Variants in COL14A1 observed in about 807,000 individuals in gnomAD.
The protein encoded by COL14A1 is collagen alpha-1(XIV) chain.
COL14A1 carries 136 observed loss-of-function variants against 230.3 expected under a neutral mutation model. The ratio of observed to expected loss-of-function variants is 0.59; its 90% CI spans 0.51 to 0.68. COL14A1 has a LOEUF of 0.68. COL14A1 is among the 30% of genes least tolerant of loss of function. The pLI, the probability that COL14A1 is intolerant of heterozygous loss-of-function variation, is 0.00. For synonymous variants in COL14A1, 792 were observed against 784.1 expected, an observed-to-expected ratio of 1.01 and a Z score of -0.17; for missense variants, 1,976 against 2,215.8, an observed-to-expected ratio of 0.89 and a Z score of 2.17.
chr8:120,312,992 G>T (rs564324337), intron 37 of COL14A1, among the ~76,000 whole-genome samples: 1 of 152,120 alleles, frequency 6.6e-6, no homozygotes. Flanking sequence ...TAGTTAAACC[G>T]CAACAAGATC....
At chr8:120,236,899 A>T (rs946626400) in intron 19 of COL14A1, among the ~76,000 whole-genome samples, 1 of 152,126 alleles carries the variant, frequency 6.6e-6, no homozygotes, top group Non-Finnish European at 1.5e-5. Context: ...CTGGATATGA[A>T]ATTCTGGGTT....
At chr8:120,248,524 G>A (rs529660582) in intron 21 of COL14A1, among the ~76,000 whole-genome samples, 1 of 152,120 alleles carries the variant, frequency 6.6e-6, no homozygotes, top group African/African-American at 2.4e-5. Flanking sequence ...TCAGCAGAAA[G>A]GGCAGGAAAA....
At chr8:120,308,979 G>A (rs1157597323) in intron 36 of COL14A1, among the ~76,000 whole-genome samples, 1 of 152,060 alleles carries the variant, frequency 6.6e-6, no homozygotes, top group Non-Finnish European at 1.5e-5. Context: ...TCACTTTGCC[G>A]CCCAGGCTGG....
At chr8:120,330,509 C>A (rs145544353) in intron 40 of COL14A1, among the ~76,000 whole-genome samples, 1 of 152,250 alleles carries the variant, frequency 6.6e-6, no homozygotes, top group South Asian at 2.1e-4. Context: ...AGGGGAACCC[C>A]ATTTATAAAA....
At chr8:120,164,360 G>T (rs1365327363) in intron 4 of COL14A1, among the ~76,000 whole-genome samples, 1 of 152,062 alleles carries the variant, frequency 6.6e-6, no homozygotes, top group Non-Finnish European at 1.5e-5. Flanking sequence ...GAGGTGGTGG[G>T]TATGGAACTT....
intron 38 of COL14A1, 80 bp downstream of exon 38, chr8:120,314,107 C>A: frequency 9.6e-7 from 1 of 1,043,666 alleles, no homozygotes; most frequent in Non-Finnish European, 1.4e-6. Flanking sequence ...CTTTTGTCTT[C>A]TGTGTCTTAA....
chr8:120,211,366 A>G (rs1817611646), intron 12 of COL14A1, among the ~76,000 whole-genome samples: 2 of 152,210 alleles, frequency 1.3e-5, no homozygotes, highest in Admixed American at 6.5e-5. Context: ...ATGTAATATT[A>G]ACACAGAAAA....
intron 33 of COL14A1, among the ~76,000 whole-genome samples, chr8:120,287,002 C>T (rs1820224187): frequency 6.6e-6 from 1 of 152,124 alleles, no homozygotes; most frequent in Admixed American, 6.5e-5. Flanking sequence ...ATGAGCAGAA[C>T]ATTTACTAGG....
intron 14 of COL14A1, among the ~76,000 whole-genome samples, chr8:120,218,272 A>AAT (rs1423668695): frequency 7.3e-6 from 1 of 137,666 alleles, no homozygotes; most frequent in African/African-American, 2.7e-5. Flanking sequence ...ATATATATAT[A>AAT]ATATATAAAT....
intron 37 of COL14A1, among the ~76,000 whole-genome samples, chr8:120,312,749 A>G (rs930251913): frequency 7.9e-5 from 12 of 152,172 alleles, no homozygotes; most frequent in Non-Finnish European, 1.5e-5. Flanking sequence ...CCTAAATCTT[A>G]ACAAGTCTTA....
At chr8:120,188,466 A>C (rs537226847) in intron 5 of COL14A1, among the ~76,000 whole-genome samples, 1 of 152,264 alleles carries the variant, frequency 6.6e-6, no homozygotes, top group Admixed American at 6.5e-5. Context: ...CTCATCACAA[A>C]ACTCCAGAAA....
chr8:120,161,170 C>A (rs1036523042), intron 3 of COL14A1, among the ~76,000 whole-genome samples: 1 of 152,026 alleles, frequency 6.6e-6, no homozygotes, highest in African/African-American at 2.4e-5. Flanking sequence ...TAGCAGGCAG[C>A]CCAGATAATA....
intron 4 of COL14A1, among the ~76,000 whole-genome samples, chr8:120,163,054 A>T (rs1346551244): frequency 6.6e-6 from 1 of 152,226 alleles, no homozygotes; most frequent in Non-Finnish European, 1.5e-5. Flanking sequence ...CTGAATGGAT[A>T]ATGCCTGCAT....
Position 120,321,425 on chromosome 8 carries a change from G to A in COL14A1, c.4659+5428G>A, listed in dbSNP as rs138815114. ...GGAGGCTGAGGCAGGTGGATCACAA[G>A]GTCAGGCGTTCAAGACAAGCCTGGC... On this transcript the variant is annotated intron_variant, in intron 40 of 47. Transcript: ENST00000297848. Among the ~76,000 whole-genome samples the A allele has an allele frequency of 7.2e-4, 110 of 152,226 alleles. 1 individual carries two copies. Among genetic ancestry groups the A allele is most frequent in the Admixed American group, 2.9e-3 (45 of 15,278 alleles).
chr8:120,218,759 A>C lies in COL14A1; in HGVS notation c.1737+2269A>C, dbSNP rs115459841. 2.7e-3 allele frequency among the ~76,000 whole-genome samples: 407 copies of C among 152,308 alleles called. 1 individual carries two copies. Among genetic ancestry groups the C allele is most frequent in the African/African-American group, 9.3e-3 (385 of 41,570 alleles). Reference sequence around the variant, plus strand: ...GGATACTAGGGACTGGTGGATGGGAAGTGTGTGCATCCAGGACGCAGCCAG... The same window carrying C: ...GGATACTAGGGACTGGTGGATGGGACGTGTGTGCATCCAGGACGCAGCCAG... On this transcript the variant is annotated intron_variant, in intron 14 of 47. Transcript: ENST00000297848.
intron 19 of COL14A1, among the ~76,000 whole-genome samples, chr8:120,237,659 G>A (rs1372324302): frequency 1.3e-5 from 2 of 152,158 alleles, no homozygotes; most frequent in South Asian, 4.1e-4. Context: ...TCTTGCTGGC[G>A]AGGAGTTGCG....
chr8:120,302,190 G>T (rs562332422), intron 36 of COL14A1, among the ~76,000 whole-genome samples: 11 of 152,210 alleles, frequency 7.2e-5, no homozygotes, highest in African/African-American at 2.2e-4. Context: ...TAGGTTGTCT[G>T]TTTACTCTGT....
intron 25 of COL14A1, among the ~76,000 whole-genome samples, chr8:120,268,741 C>A (rs1819572740): frequency 6.6e-6 from 1 of 151,598 alleles, no homozygotes; most frequent in Non-Finnish European, 1.5e-5. Flanking sequence ...GCTTTCTACC[C>A]CAGAGGTAAC....
At chr8:120,212,626 G>A (rs761277231) in intron 13 of COL14A1, 49 bp downstream of exon 13, 2 of 1,599,922 alleles carry the variant, frequency 1.3e-6, no homozygotes, top group East Asian at 2.2e-5. Flanking sequence ...AAGCCCACAT[G>A]AATGTGGGGA....
Sources: allele counts gnomAD v4.1 joint callset (sites outside exome capture counted in the v4.1 genomes callset), GRCh38; gene constraint gnomAD v4.1.1; transcripts MANE v1.5; gene names NCBI Gene and HGNC (gene_info 2026-07-23, HGNC 2026-07-21).